The following ZNF385D variants were observed in gnomAD, a reference collection of about 807,000 sequenced individuals.
The protein encoded by ZNF385D is zinc finger protein 385D.
Under a neutral mutation model 35.8 loss-of-function variants are expected in ZNF385D, and 15 were observed. The observed-to-expected ratio is 0.42, with a 90% CI of 0.28 to 0.64. ZNF385D has a LOEUF of 0.64. ZNF385D is among the 30% of genes least tolerant of loss of function. The pLI, the probability that ZNF385D is intolerant of heterozygous loss-of-function variation, is 0.23. For missense variants in ZNF385D, 474 were observed against 494.6 expected (o/e 0.96, Z 0.39); for synonymous variants, 212 against 186.8 (o/e 1.13, Z -1.10).
intron 3 of ZNF385D, among the ~76,000 whole-genome samples, chr3:22,108,051 G>T (rs901255314): frequency 1.3e-5 from 2 of 151,546 alleles, no homozygotes; most frequent in African/African-American, 2.4e-5. Flanking sequence ...CTAGATGTCA[G>T]TGTATTGATC....
intron 3 of ZNF385D, among the ~76,000 whole-genome samples, chr3:21,535,599 T>C (rs953554710): frequency 1.3e-5 from 2 of 152,098 alleles, no homozygotes; most frequent in East Asian, 3.9e-4. Flanking sequence ...ATTGCTCTCA[T>C]GAGTAAAAGA....
intron 2 of ZNF385D, among the ~76,000 whole-genome samples, chr3:21,612,541 G>T (rs555065671): frequency 6.6e-6 from 1 of 152,320 alleles, no homozygotes; most frequent in African/African-American, 2.4e-5. Flanking sequence ...ATACTACCTT[G>T]TGGGAGAACC....
At chr3:21,815,503 C>T (rs1204480293) in intron 3 of ZNF385D, among the ~76,000 whole-genome samples, 1 of 152,044 alleles carries the variant, frequency 6.6e-6, no homozygotes, top group Non-Finnish European at 1.5e-5. Context: ...GGGATATCAC[C>T]ACTGATCCCA....
chr3:21,496,150 ACT>A (rs892167141), intron 4 of ZNF385D, among the ~76,000 whole-genome samples: 1 of 151,614 alleles, frequency 6.6e-6, no homozygotes, highest in Non-Finnish European at 1.5e-5. Flanking sequence ...TCCCACTGAA[ACT>A]CTTCTAAAAA....
intron 3 of ZNF385D, among the ~76,000 whole-genome samples, chr3:21,869,283 C>G (rs2620533): frequency 1.3e-5 from 2 of 151,992 alleles, no homozygotes; most frequent in African/African-American, 2.4e-5. Flanking sequence ...GGGATGGGAC[C>G]GAAAATCCTC....
Position 21,417,479 on chromosome 3 carries a change from A to G in ZNF385D, c.*3735T>C, listed in dbSNP as rs1029893186. 6.6e-6 allele frequency: 1 copy of G among 152,132 alleles called. No homozygotes were observed. The highest frequency in any genetic ancestry group is 6.6e-5 in the Admixed American group (1 of 15,260). 9.4% of individuals were successfully genotyped at this position (152,132 alleles called of 1,614,324 possible). A position where few individuals can be genotyped will look rare whatever the true frequency, so the allele number is the denominator to read the frequency against. The stretch of plus-strand genomic sequence containing the variant: ...TATAGAAAGGTAATTTTCTACTTCA[A>G]TTCAGATCTAAAGAAACAGGCCTAT... On this transcript the variant is annotated 3_prime_UTR_variant, in exon 8 of 8. Coordinates refer to ENST00000281523, the MANE Select transcript of ZNF385D (RefSeq NM_024697.3).
intron 3 of ZNF385D, among the ~76,000 whole-genome samples, chr3:21,963,535 A>G (rs924915365): frequency 1.3e-5 from 2 of 152,206 alleles, no homozygotes; most frequent in South Asian, 4.1e-4. Flanking sequence ...ATCTCAATCT[A>G]TATTCTGAAA....
intron 2 of ZNF385D, among the ~76,000 whole-genome samples, chr3:22,357,601 A>G (rs1417440694): frequency 6.6e-6 from 1 of 151,190 alleles, no homozygotes; most frequent in Non-Finnish European, 1.5e-5. Flanking sequence ...AATTCTAGTA[A>G]CTTAAAGAAA....
At chr3:22,310,416 T>C (rs1459769904) in intron 2 of ZNF385D, among the ~76,000 whole-genome samples, 1 of 152,010 alleles carries the variant, frequency 6.6e-6, no homozygotes, top group Non-Finnish European at 1.5e-5. Context: ...TAACATAATT[T>C]AATGCTTATT....
At chr3:21,911,302 G>A (rs1398008697) in intron 3 of ZNF385D, among the ~76,000 whole-genome samples, 1 of 151,886 alleles carries the variant, frequency 6.6e-6, no homozygotes, top group East Asian at 1.9e-4. Context: ...AGAAACATTA[G>A]TAAAGTTTAT....
chr3:21,458,417 C>G (rs375812), intron 4 of ZNF385D, among the ~76,000 whole-genome samples: 25,842 of 151,184 alleles, frequency 0.17, 2,351 homozygotes, highest in Non-Finnish European at 0.2. Context: ...AGGATGTTGA[C>G]ACTGCAGTAA....
At chr3:21,485,884 A>G (rs1403763010) in intron 4 of ZNF385D, among the ~76,000 whole-genome samples, 2 of 151,218 alleles carry the variant, frequency 1.3e-5, no homozygotes, top group African/African-American at 2.4e-5. Context: ...CCAAAAAAAA[A>G]CCCTTTATCT....
chr3:22,194,144 A>G (rs1284078278), intron 2 of ZNF385D, among the ~76,000 whole-genome samples: 2 of 150,930 alleles, frequency 1.3e-5, no homozygotes, highest in African/African-American at 4.8e-5. Context: ...GAGTTTTATA[A>G]TCTCTTATGT....
intron 1 of ZNF385D, among the ~76,000 whole-genome samples, chr3:21,724,651 CACCCAGG>C (rs1300546908): frequency 2.6e-5 from 4 of 151,984 alleles, no homozygotes; most frequent in Non-Finnish European, 4.4e-5. Context: ...AATATATACG[CACCCAGG>C]ACAGGAGCAC....
intron 3 of ZNF385D, among the ~76,000 whole-genome samples, chr3:21,778,967 G>C (rs1267005616): frequency 6.6e-6 from 1 of 151,912 alleles, no homozygotes; most frequent in Non-Finnish European, 1.5e-5. Flanking sequence ...ACAGCAGTGA[G>C]AACTAAATTT....
chr3:21,715,620 T>A (rs1040037031), intron 1 of ZNF385D, among the ~76,000 whole-genome samples: 1 of 152,076 alleles, frequency 6.6e-6, no homozygotes, highest in Admixed American at 6.6e-5. Flanking sequence ...AGACACCCAG[T>A]AGTGGGATTG....
At chr3:22,179,199 G>A (rs1219546852) in intron 2 of ZNF385D, among the ~76,000 whole-genome samples, 1 of 152,094 alleles carries the variant, frequency 6.6e-6, no homozygotes, top group African/African-American at 2.4e-5. Flanking sequence ...TCACGATATT[G>A]ATTCTTCCTA....
intron 2 of ZNF385D, among the ~76,000 whole-genome samples, chr3:22,201,016 G>T (rs888475607): frequency 6.6e-6 from 1 of 152,020 alleles, no homozygotes; most frequent in Non-Finnish European, 1.5e-5. Flanking sequence ...ATTATTACAG[G>T]GTCCTGAGGT....
At chr3:22,175,983 T>C (rs1694807889) in intron 2 of ZNF385D, among the ~76,000 whole-genome samples, 1 of 150,930 alleles carries the variant, frequency 6.6e-6, no homozygotes, top group South Asian at 2.1e-4. Context: ...TCACAATATC[T>C]TCTATATTTC....
Sources: gnomAD v4.1 joint callset for allele counts (sites outside exome capture counted in the v4.1 genomes callset) on GRCh38, gnomAD v4.1.1 for gene constraint, MANE v1.5 for transcripts, NCBI Gene and HGNC (gene_info 2026-07-23, HGNC 2026-07-21) for gene names.